Variants in GCM2 observed in about 807,000 individuals in gnomAD.
GCM2 encodes the protein chorion-specific transcription factor GCMb.
In GCM2, 21 loss-of-function variants were observed where a neutral mutation model predicts 24.8. The observed-to-expected ratio is 0.85, with a 90% CI of 0.60 to 1.22. The LOEUF is 1.22. Ranked by LOEUF, GCM2 falls within the 50% of genes most tolerant of loss-of-function variation. The pLI, the probability that GCM2 is intolerant of heterozygous loss-of-function variation, is 0.00. For synonymous variants in GCM2, 222 were observed against 238.0 expected, an observed-to-expected ratio of 0.93 and a Z score of 0.62; for missense variants, 532 against 645.6, an observed-to-expected ratio of 0.82 and a Z score of 1.91.
At chr6:10,880,209 C>A (rs533656471) in intron 1 of GCM2, among the ~76,000 whole-genome samples, 2 of 152,156 alleles carry the variant, frequency 1.3e-5, no homozygotes, top group East Asian at 1.9e-4. Context: ...GAGCTGAGAT[C>A]GTGTGATTGC....
Position 10,881,998 on chromosome 6 carries a change from C to G in GCM2, c.-205G>C. On this transcript the variant is annotated 5_prime_UTR_variant, in exon 1 of 5. Transcript: ENST00000379491. ...GTTATGGACCCGGGCGGGGCCTTGTCCTTGGCCGCGGTGCTGAACGTTCTC... is the reference window on the plus strand; with the variant it reads ...GTTATGGACCCGGGCGGGGCCTTGTGCTTGGCCGCGGTGCTGAACGTTCTC... The G allele has an allele frequency of 1.7e-6, 1 of 589,338 alleles. No homozygotes were observed. Among genetic ancestry groups the G allele is most frequent in the Non-Finnish European group, 3.0e-6 (1 of 329,184 alleles). 36.5% of individuals were successfully genotyped at this position (589,338 alleles called of 1,614,324 possible). A position where few individuals can be genotyped will look rare whatever the true frequency, so the allele number is the denominator to read the frequency against.
intron 1 of GCM2, among the ~76,000 whole-genome samples, chr6:10,881,439 T>C (rs902936690): frequency 3.3e-5 from 5 of 152,156 alleles, no homozygotes; most frequent in Non-Finnish European, 5.9e-5. Flanking sequence ...ATTACAGGTA[T>C]GAACCACAGC....
At position 10,878,771 on chromosome 6, in the gene GCM2, T is replaced by C. The variant is rs888011956; in HGVS notation, c.91-1379A>G. On this transcript the variant is annotated intron_variant, in intron 1 of 4. Coordinates refer to ENST00000379491, the MANE Select transcript of GCM2 (RefSeq NM_004752.4). ...TTTGCAAGATGGACATCTTTACTCT[T>C]GTTTACTAAATAAGGAAGTGGAGGT... is the stretch of plus-strand genomic sequence containing the variant. Among the ~76,000 whole-genome samples the C allele has an allele frequency of 2.0e-5, 3 of 152,234 alleles. No individual in the cohort carries two copies. The South Asian group carries it at 6.2e-4, about 32-fold the overall frequency.
intron 1 of GCM2, among the ~76,000 whole-genome samples, chr6:10,880,542 C>A (rs914204551): frequency 6.6e-6 from 1 of 152,206 alleles, no homozygotes; most frequent in African/African-American, 2.4e-5. Flanking sequence ...CCCCCTACAG[C>A]CAGGACTTCA....
At chr6:10,875,774 T>C in intron 4 of GCM2, 117 bp downstream of exon 4, 2 of 1,025,480 alleles carry the variant, frequency 2.0e-6, no homozygotes, top group Non-Finnish European at 3.0e-6. Flanking sequence ...ACGTATAATT[T>C]TCAGATGAAA....
chr6:10,875,060 A>G, intron 4 of GCM2, 127 bp from the exon 5 acceptor site: 1 of 754,524 alleles, frequency 1.3e-6, no homozygotes, highest in Admixed American at 2.0e-5. Context: ...TGAACATGGC[A>G]CTGCTCAGGT....
intron 1 of GCM2, 141 bp downstream of exon 1, chr6:10,881,563 T>C (rs1779958856): frequency 1.8e-5 from 2 of 113,022 alleles, no homozygotes; most frequent in South Asian, 9.1e-5. Flanking sequence ...TATGTGTGTG[T>C]GTGTGTGTGT....
Position 10,874,631 on chromosome 6 carries a change from G to A in GCM2, c.885C>T (p.Ser295=), listed in dbSNP as rs1405679731. 4 of 1,614,002 alleles carry A rather than the reference G, an allele frequency of 2.5e-6. No homozygotes were observed. The East Asian group carries it at 8.9e-5, about 36-fold the overall frequency. ...SSPYPTLYKD[S]TSIPNDTDWV... The stretch of plus-strand genomic sequence containing the variant: ...AGTCTGTGTCATTAGGGATACTGGT[G>A]GAATCCTTATAAAGGGTGGGATATG... Residue 295 remains serine (S), a synonymous_variant, in exon 5 of 5, where the codon TCC becomes TCT. Coordinates refer to ENST00000379491, the MANE Select transcript of GCM2 (RefSeq NM_004752.4).
intron 1 of GCM2, among the ~76,000 whole-genome samples, chr6:10,880,083 C>T (rs1779937167): frequency 6.6e-6 from 1 of 152,054 alleles, no homozygotes. Context: ...TGGAGAAACC[C>T]AATCTCTACT....
chr6:10,877,503 C>T (rs956389937), intron 1 of GCM2, 111 bp from the exon 2 acceptor site: 11 of 1,155,148 alleles, frequency 9.5e-6, no homozygotes, highest in Non-Finnish European at 1.4e-5. Context: ...TTTTTAAATC[C>T]AGTAACGTCA....
Position 10,881,773 on chromosome 6 carries a change from C to G in GCM2, c.21G>C (p.Gln7His), listed in dbSNP as rs138884230. 437 of 1,609,392 alleles carry G rather than the reference C, an allele frequency of 2.7e-4. No homozygotes were observed. The African/African-American group carries it at 4.8e-3, about 18-fold the overall frequency. The change falls in exon 1 of 5, where the codon CAG becomes CAC. Residue 7 changes from glutamine (Q) to histidine (H), a missense_variant. Physicochemically the swap from Gln to His is conservative, Grantham distance 24. Coordinates refer to ENST00000379491, the MANE Select transcript of GCM2 (RefSeq NM_004752.4). ...CGTAGGAGCACACGCCGACCGCTTC[C>G]TGCACCGCGGCCGCCGGCATCTGCC... MPAAAV[Q>H]EAVGVCSYGM...
rs549579928 is a variant in GCM2 at position 10,881,693 on chromosome 6, G to A, written c.90+11C>T. ...GCGCCCCGCGTGCCCGCACACACCC[G>A]GTTCACTTACCTGAGGCATCTGCGG... On this transcript the variant is annotated intron_variant, in intron 1 of 4. Coordinates refer to ENST00000379491, the MANE Select transcript of GCM2 (RefSeq NM_004752.4). 1.3e-5 allele frequency: 21 copies of A among 1,603,200 alleles called. No individual in the cohort carries two copies. The South Asian group carries it at 2.1e-4, about 16-fold the overall frequency.
intron 1 of GCM2, among the ~76,000 whole-genome samples, chr6:10,880,745 C>T (rs1207823410): frequency 6.6e-6 from 1 of 152,130 alleles, no homozygotes; most frequent in Non-Finnish European, 1.5e-5. Flanking sequence ...TGATGATTTG[C>T]TTGTCATTAG....
Position 10,873,773 on chromosome 6 carries a change from C to T in GCM2, c.*222G>A, listed in dbSNP as rs1025744720. 8.4e-6 allele frequency: 5 copies of T among 594,536 alleles called. No homozygotes were observed. The highest frequency in any genetic ancestry group is 1.5e-5 in the Non-Finnish European group (5 of 329,636). The allele number at this position is 594,536 out of a possible 1,614,324, so 36.8% of individuals were successfully genotyped here. ...TGAGAGACTCACACTTTCCTCACTA[C>T]TTCTATGTATTGTAGCCAGTTTCAA... On this transcript the variant is annotated 3_prime_UTR_variant, in exon 5 of 5. Transcript: ENST00000379491.
chr6:10,876,140 A>T (rs141431960), intron 3 of GCM2, 124 bp from the exon 4 acceptor site: 17 of 1,048,806 alleles, frequency 1.6e-5, no homozygotes, highest in Non-Finnish European at 2.5e-5. Flanking sequence ...TCAAAATGAC[A>T]GAAAAAAAAA....
At chr6:10,876,923 C>T (rs959823318) in intron 2 of GCM2, among the ~76,000 whole-genome samples, 1 of 152,066 alleles carries the variant, frequency 6.6e-6, no homozygotes, top group African/African-American at 2.4e-5. Flanking sequence ...ATTAGCCGGG[C>T]GTGGTGGCGC....
At chr6:10,876,163 T>C in intron 3 of GCM2, 147 bp from the exon 4 acceptor site, 1 of 823,828 alleles carries the variant, frequency 1.2e-6, no homozygotes. Flanking sequence ...CTTGAACAAA[T>C]AAAACAGGCT....
chr6:10,874,547 G>C lies in GCM2; in HGVS notation c.969C>G (p.Ser323Arg). The C allele has an allele frequency of 6.2e-7, 1 of 1,614,196 alleles. No homozygotes were observed. The highest frequency in any genetic ancestry group is 1.1e-5 in the South Asian group (1 of 91,082). Reference sequence around the variant, plus strand: ...CATGCTGTTTGTTGGTGAAATCAAAGCTTCTCTCATAGCTGCTGTATGAAT... The same window carrying C: ...CATGCTGTTTGTTGGTGAAATCAAACCTTCTCTCATAGCTGCTGTATGAAT... ...NVNSYSSYER[S>R]FDFTNKQHGW... The change falls in exon 5 of 5, where the codon AGC becomes AGG. Residue 323 changes from serine (S) to arginine (R), a missense_variant. By Grantham distance (110) the Ser-to-Arg change is moderately radical (BLOSUM62 -1). Transcript: ENST00000379491.
At chr6:10,879,203 C>T (rs1168847864) in intron 1 of GCM2, among the ~76,000 whole-genome samples, 1 of 152,136 alleles carries the variant, frequency 6.6e-6, no homozygotes, top group Non-Finnish European at 1.5e-5. Flanking sequence ...GTGCTATCAA[C>T]TCCAAGCTTA....
Sources: allele counts gnomAD v4.1 joint callset (sites outside exome capture counted in the v4.1 genomes callset), GRCh38; gene constraint gnomAD v4.1.1; transcripts MANE v1.5; gene names NCBI Gene and HGNC (gene_info 2026-07-23, HGNC 2026-07-21).